SPTBN1: variants seen among roughly 807,000 people sequenced by gnomAD.
SPTBN1 encodes spectrin beta chain, non-erythrocytic 1.
Under a neutral mutation model 266.4 loss-of-function variants are expected in SPTBN1, and 32 were observed. That is an observed-to-expected ratio of 0.12 (90% confidence interval 0.09 to 0.16). The LOEUF (loss-of-function observed/expected upper bound fraction) is 0.16, where lower values mean the gene tolerates loss of function less well. Ranked by LOEUF, SPTBN1 falls within the 10% of genes least tolerant of loss-of-function variation. The pLI is 1.00. For synonymous variants in SPTBN1, 1,336 were observed against 1,162.2 expected, an observed-to-expected ratio of 1.15 and a Z score of -3.04; for missense variants, 2,296 against 3,067.1, an observed-to-expected ratio of 0.75 and a Z score of 5.94.
chr2:54,661,791 G>A, intron 32 of SPTBN1: 3 of 985,266 alleles, frequency 3.0e-6, no homozygotes, highest in Non-Finnish European at 3.6e-6. Context: ...CACCCAATTT[G>A]ACACTTTTTG....
intron 18 of SPTBN1, among the ~76,000 whole-genome samples, chr2:54,639,070 G>A (rs1466450697): frequency 1.3e-5 from 2 of 152,210 alleles, no homozygotes; most frequent in African/African-American, 4.8e-5. Context: ...GTCTCTGGGG[G>A]ATTTGCCCGG....
chr2:54,547,833 TTCTTCAC>T (rs1672335576), intron 2 of SPTBN1, among the ~76,000 whole-genome samples: 1 of 152,212 alleles, frequency 6.6e-6, no homozygotes, highest in African/African-American at 2.4e-5. Context: ...TTTCTCTTCA[TTCTTCAC>T]CTGTCATTAA....
intron 4 of SPTBN1, among the ~76,000 whole-genome samples, chr2:54,614,398 G>A (rs768169658): frequency 6.6e-6 from 1 of 152,120 alleles, no homozygotes; most frequent in Non-Finnish European, 1.5e-5. Context: ...ATGTGTGTGT[G>A]TGCGTGCGTG....
Position 54,631,129 on chromosome 2 carries a change from G to T in SPTBN1, c.3082G>T (p.Asp1028Tyr), listed in dbSNP as rs545815578. Residue 1028 changes from aspartate to tyrosine, a missense_variant, in exon 16 of 36, where the codon GAC (aspartate) becomes TAC (tyrosine). Physicochemically the swap from Asp to Tyr is radical, Grantham distance 160. This residue lies in a region of SPTBN1 where 128 missense variants were observed against 176.5 expected (regional missense o/e 0.73). Transcript: ENST00000356805. ...EAEKLESEHP[D>Y]QAQAILSRLA... ...GGAGAAGCTGGAGTCCGAGCACCCCGACCAGGCCCAGGCCATCCTGTCTCG... is the reference window on the plus strand; with the variant it reads ...GGAGAAGCTGGAGTCCGAGCACCCCTACCAGGCCCAGGCCATCCTGTCTCG... The T allele has an allele frequency of 9.9e-6, 16 of 1,614,174 alleles. 1 individual carries two copies. The South Asian group carries it at 1.6e-4, about 17-fold the overall frequency.
At position 54,668,407 on chromosome 2, in the gene SPTBN1, C is replaced by G. The variant is rs1389921226; in HGVS notation, c.6933C>G (p.His2311Gln). 2.5e-6 allele frequency: 4 copies of G among 1,614,056 alleles called. No individual in the cohort carries two copies. The highest frequency in any genetic ancestry group is 1.7e-5 in the Admixed American group (1 of 60,004). ...AISSAISSDK[H>Q]EVSASTQSTP... ...CTTCCGCCATCTCCTCTGATAAACA[C>G]GAGGTGTCTGCCAGCACCCAGAGCA... Residue 2311 changes from histidine (H) to glutamine (Q), a missense_variant, in exon 36 of 36, where the codon CAC becomes CAG. By Grantham distance (24) the His-to-Gln change is conservative. This residue lies in a region of SPTBN1 where 347 missense variants were observed against 368.5 expected (regional missense o/e 0.94). Transcript: ENST00000356805.
chr2:54,617,357 A>G (rs974966917), intron 5 of SPTBN1, among the ~76,000 whole-genome samples: 9 of 152,240 alleles, frequency 5.9e-5, no homozygotes, highest in African/African-American at 2.2e-4. Flanking sequence ...TTTTAAATCT[A>G]CGACACAGTT....
intron 1 of SPTBN1, among the ~76,000 whole-genome samples, chr2:54,464,670 C>CT (rs944072647): frequency 6.6e-6 from 1 of 151,716 alleles, no homozygotes; most frequent in East Asian, 1.9e-4. Flanking sequence ...GTTTGAGGAA[C>CT]TTTTTTTTGT....
At chr2:54,529,140 G>A (rs543406235) in intron 2 of SPTBN1, among the ~76,000 whole-genome samples, 57 of 152,246 alleles carry the variant, frequency 3.7e-4, no homozygotes, top group Non-Finnish European at 5.4e-4. Context: ...CCTTGAGTGG[G>A]GATAATTTAC....
Position 54,653,983 on chromosome 2 carries a change from C to T in SPTBN1, c.5822+130C>T. On this transcript the variant is annotated intron_variant, in intron 27 of 35. Transcript: ENST00000356805. This position sits in a 1 kb window ranked among gnomAD's most constrained non-coding sequence, Gnocchi z 5.1. ...CTTCAAGGCCAGAGTGGGGGTGGGGCGGTGCTTGGAGTGCGGCACCACTGC... is the reference window on the plus strand; with the variant it reads ...CTTCAAGGCCAGAGTGGGGGTGGGGTGGTGCTTGGAGTGCGGCACCACTGC... 5 of 1,397,950 alleles carry T rather than the reference C, an allele frequency of 3.6e-6. No individual in the cohort carries two copies. The highest frequency in any genetic ancestry group is 4.8e-6 in the Non-Finnish European group (5 of 1,046,448). The allele number at this position is 1,397,950 out of a possible 1,614,324, so 86.6% of individuals were successfully genotyped here. A position where few individuals can be genotyped will look rare whatever the true frequency, so the allele number is the denominator to read the frequency against.
intron 2 of SPTBN1, among the ~76,000 whole-genome samples, chr2:54,575,391 A>G (rs1385324063): frequency 1.3e-5 from 2 of 152,242 alleles, no homozygotes; most frequent in African/African-American, 4.8e-5. Flanking sequence ...AAATTCTTCC[A>G]TTAAAAAGAT....
chr2:54,500,526 C>A (rs1331492930), intron 1 of SPTBN1, among the ~76,000 whole-genome samples: 7 of 152,088 alleles, frequency 4.6e-5, no homozygotes, highest in African/African-American at 7.2e-5. Context: ...GCTCTCAATC[C>A]TTGGCTGGAT....
At chr2:54,509,521 A>G (rs572891926) in intron 1 of SPTBN1, among the ~76,000 whole-genome samples, 5 of 152,382 alleles carry the variant, frequency 3.3e-5, no homozygotes, top group Admixed American at 3.3e-4. Flanking sequence ...TGGCCAGCCT[A>G]AAACAGTAAG....
chr2:54,568,103 A>G (rs931415262), intron 2 of SPTBN1, among the ~76,000 whole-genome samples: 3 of 152,126 alleles, frequency 2.0e-5, no homozygotes, highest in African/African-American at 7.2e-5. Flanking sequence ...CACTGCTGGC[A>G]GTGCGTGGTG....
intron 3 of SPTBN1, 116 bp downstream of exon 3, chr2:54,599,359 A>C: frequency 7.8e-7 from 1 of 1,284,546 alleles, no homozygotes; most frequent in Non-Finnish European, 1.1e-6. Context: ...TTTTGAGGAG[A>C]ATCTTGAGAA....
At chr2:54,618,236 A>G (rs1388354506) in intron 7 of SPTBN1, 43 bp downstream of exon 7, 12 of 1,493,492 alleles carry the variant, frequency 8.0e-6, no homozygotes, top group South Asian at 1.1e-5. Context: ...TAGCATCTGT[A>G]CCATCCAGGT....
chr2:54,621,389 C>G lies in SPTBN1; in HGVS notation c.764-11C>G, dbSNP rs1481742486. On this transcript the variant is annotated splice_polypyrimidine_tract_variant and intron_variant, in intron 7 of 35. Coordinates refer to ENST00000356805, the MANE Select transcript of SPTBN1 (RefSeq NM_003128.3). ...TGCAACACACTGAACAGAGTCTTCT[C>G]TGGGTTACAGACATCAGCGTGGACC... 2 of 1,608,094 alleles carry G rather than the reference C, an allele frequency of 1.2e-6. No individual in the cohort carries two copies. The highest frequency in any genetic ancestry group is 1.3e-5 in the African/African-American group (1 of 74,770).
chr2:54,627,145 G>A (rs918070512), intron 12 of SPTBN1, among the ~76,000 whole-genome samples: 1 of 152,200 alleles, frequency 6.6e-6, no homozygotes, highest in Non-Finnish European at 1.5e-5. Context: ...CTCTTGGACT[G>A]TTCCTGACAG....
rs78373553 is a variant in SPTBN1, at chr2:54,628,437, C to A, written c.1798+187C>A. ...TCTTGTTTTTCTGGAATTGATACAT[C>A]CTTTCCTTAAATACGCAAATGCTGC... On this transcript the variant is annotated intron_variant, in intron 13 of 35. Coordinates refer to ENST00000356805, the MANE Select transcript of SPTBN1 (RefSeq NM_003128.3). This position sits in a 1 kb window ranked among gnomAD's most constrained non-coding sequence, Gnocchi z 4.3. Among the ~76,000 whole-genome samples the A allele has an allele frequency of 1.3e-5, 2 of 152,158 alleles. No homozygotes were observed. The highest frequency in any genetic ancestry group is 3.9e-4 in the East Asian group (2 of 5,192).
chr2:54,670,661 A>G lies in SPTBN1; in HGVS notation c.*2092A>G. Reference sequence around the variant, plus strand: ...TTGTACTCTTGACAAAGCTGTGCAGATGGCAATAAGTTCATACCAGCAATC... The same window carrying G: ...TTGTACTCTTGACAAAGCTGTGCAGGTGGCAATAAGTTCATACCAGCAATC... On this transcript the variant is annotated 3_prime_UTR_variant, in exon 36 of 36. Coordinates refer to ENST00000356805, the MANE Select transcript of SPTBN1 (RefSeq NM_003128.3). The G allele has an allele frequency of 2.5e-6, 1 of 398,664 alleles. No homozygotes were observed. Among genetic ancestry groups the G allele is most frequent in the East Asian group, 3.6e-5 (1 of 28,084 alleles). 24.7% of individuals were successfully genotyped at this position (398,664 alleles called of 1,614,324 possible).
Sources: gnomAD v4.1 joint callset for allele counts (sites outside exome capture counted in the v4.1 genomes callset) on GRCh38, gnomAD v4.1.1 for gene constraint, gnomAD v4.1.1 regional missense constraint, Gnocchi (gnomAD v3.1) non-coding constraint, MANE v1.5 for transcripts, NCBI Gene and HGNC (gene_info 2026-07-23, HGNC 2026-07-21) for gene names.